Variants in CLCN5 observed in about 807,000 individuals in gnomAD.
The protein encoded by CLCN5 is H(+)/Cl(-) exchange transporter 5.
In CLCN5, 17 loss-of-function variants were observed where a neutral mutation model predicts 54.0. The ratio of observed to expected loss-of-function variants is 0.31; its 90% confidence interval spans 0.22 to 0.47. The LOEUF is 0.47. CLCN5 is among the 20% of genes least tolerant of loss of function. CLCN5 has a pLI of 1.00. For synonymous variants in CLCN5, 222 were observed against 233.0 expected, an observed-to-expected ratio of 0.95 and a Z score of 0.43; for missense variants, 448 against 646.7, an observed-to-expected ratio of 0.69 and a Z score of 3.33.
intron 4 of CLCN5, among the ~76,000 whole-genome samples, chrX:50,060,356 G>A (rs1245336334): frequency 9.1e-6 from 1 of 110,240 alleles, no homozygotes; most frequent in African/African-American, 3.3e-5. Flanking sequence ...AAGCGCAAGG[G>A]GTCAGGGAGT....
At chrX:50,080,349 T>G (rs1402588639) in intron 7 of CLCN5, among the ~76,000 whole-genome samples, 1 of 111,959 alleles carries the variant, frequency 8.9e-6, no homozygotes, top group Non-Finnish European at 1.9e-5. Flanking sequence ...GCTCTTTTCC[T>G]TGTTCATCCT....
intron 4 of CLCN5, among the ~76,000 whole-genome samples, chrX:50,058,468 C>T (rs1190915553): frequency 9.1e-6 from 1 of 110,320 alleles, no homozygotes; most frequent in Non-Finnish European, 1.9e-5. Flanking sequence ...CAGTTTAAAG[C>T]ATCATGTGAT....
intron 3 of CLCN5, among the ~76,000 whole-genome samples, chrX:49,998,939 T>C (rs1008377762): frequency 1.8e-5 from 2 of 111,551 alleles, no homozygotes; most frequent in African/African-American, 6.5e-5. Flanking sequence ...GTGTGTTTTT[T>C]AATTCCACTC....
At chrX:50,036,227 A>AAAAT (rs1931992654) in intron 3 of CLCN5, among the ~76,000 whole-genome samples, 3 of 112,587 alleles carry the variant, frequency 2.7e-5, no homozygotes, top group Admixed American at 9.4e-5. Flanking sequence ...AGACTGTATC[A>AAAAT]AAATGGGCAA....
chrX:50,078,917 G>C (rs1380065213), intron 7 of CLCN5, among the ~76,000 whole-genome samples: 1 of 111,796 alleles, frequency 8.9e-6, no homozygotes, highest in East Asian at 2.8e-4. Context: ...CCGCCTCCCG[G>C]GTTCACGCCA....
At chrX:49,984,940 T>C (rs1421917250) in intron 3 of CLCN5, among the ~76,000 whole-genome samples, 1 of 110,374 alleles carries the variant, frequency 9.1e-6, no homozygotes, top group Non-Finnish European at 1.9e-5. Context: ...CTTTGGTATA[T>C]TTAGATTCTT....
intron 9 of CLCN5, among the ~76,000 whole-genome samples, chrX:50,083,328 A>G (rs935301708): frequency 6.3e-5 from 7 of 111,820 alleles, no homozygotes; most frequent in South Asian, 3.7e-4. Context: ...AGCTAGCAGG[A>G]GAGAAGATGG....
intron 4 of CLCN5, among the ~76,000 whole-genome samples, chrX:50,068,761 C>T (rs1169585606): frequency 9.0e-6 from 1 of 111,157 alleles, no homozygotes; most frequent in Non-Finnish European, 1.9e-5. Context: ...ACCAAACAGT[C>T]TGGAGGAAGC....
At chrX:49,950,831 T>C (rs1475113421) in intron 3 of CLCN5, among the ~76,000 whole-genome samples, 1 of 111,873 alleles carries the variant, frequency 8.9e-6, no homozygotes, top group Admixed American at 9.5e-5. Context: ...AATCACATCA[T>C]GGAGAATGGG....
intron 3 of CLCN5, among the ~76,000 whole-genome samples, chrX:49,990,372 CAA>C (rs1929198092): frequency 9.1e-6 from 1 of 109,479 alleles, no homozygotes; most frequent in African/African-American, 3.3e-5. Context: ...ACACTGTACC[CAA>C]TGTGTAGTCT....
chrX:50,017,568 T>A (rs1322651309), intron 3 of CLCN5, among the ~76,000 whole-genome samples: 3 of 111,611 alleles, frequency 2.7e-5, no homozygotes, highest in Non-Finnish European at 5.7e-5. Context: ...CTAAGATCAC[T>A]TAGATTTTAG....
chrX:50,095,982 T>G lies in CLCN5; in HGVS notation c.*3763T>G, dbSNP rs1557195528. On this transcript the variant is annotated 3_prime_UTR_variant, in exon 15 of 15. Transcript: ENST00000376091. ...GAACAGTGCAATCTTTGAACTTGAG[T>G]TTTTAATAATGATAGCAAAGACAAT... The G allele has an allele frequency of 1.8e-5, 2 of 111,897 alleles. No homozygotes were observed. The highest frequency in any genetic ancestry group is 3.8e-5 in the Non-Finnish European group (2 of 53,224). 9.2% of individuals were successfully genotyped at this position (111,897 alleles called of 1,213,427 possible).
At position 50,080,597 on chromosome X, in the gene CLCN5, G is replaced by A; in HGVS notation, c.607G>A (p.Ala203Thr). Reference protein sequence around the residue: ...SQLIISTDEGAFAYIVNYFMY... With the variant: ...SQLIISTDEGTFAYIVNYFMY... ...CTTCTTTTTCCCCCTGTTCCAGGGA[G>A]CCTTTGCCTACATAGTCAATTATTT... Residue 203 changes from alanine to threonine, a missense_variant, in exon 8 of 15, where the codon GCC becomes ACC. By Grantham distance (58) the Ala-to-Thr change is moderately conservative (BLOSUM62 0). Coordinates refer to ENST00000376091, the MANE Select transcript of CLCN5 (RefSeq NM_001127898.4). 1 of 1,208,620 alleles carries A rather than the reference G, an allele frequency of 8.3e-7. No individual in the cohort carries two copies. Among genetic ancestry groups the A allele is most frequent in the Non-Finnish European group, 1.1e-6 (1 of 894,054 alleles).
intron 4 of CLCN5, chrX:50,069,567 C>T (rs1418083595): frequency 1.9e-5 from 15 of 805,382 alleles, no homozygotes; most frequent in African/African-American, 2.2e-5. Context: ...AATACCTAAG[C>T]TGCTCCAACC....
chrX:50,074,442 CAT>C (rs1416882920), intron 6 of CLCN5, among the ~76,000 whole-genome samples: 1 of 111,662 alleles, frequency 9.0e-6, no homozygotes, highest in Non-Finnish European at 1.9e-5. Flanking sequence ...TGAAATAAGA[CAT>C]GTACACGTGA....
Position 50,080,622 on chromosome X carries a change from T to C in CLCN5, c.632T>C (p.Phe211Ser). 8.3e-7 allele frequency: 1 copy of C among 1,208,100 alleles called. No homozygotes were observed. The highest frequency in any genetic ancestry group is 3.0e-5 in the East Asian group (1 of 33,812). The change falls in exon 8 of 15, where the codon TTC (phenylalanine) becomes TCC (serine). Residue 211 changes from phenylalanine (F) to serine (S), a missense_variant. Physicochemically the swap from Phe to Ser is radical, Grantham distance 155 (BLOSUM62 -2). Coordinates refer to ENST00000376091, the MANE Select transcript of CLCN5 (RefSeq NM_001127898.4). ...GCCTTTGCCTACATAGTCAATTATT[T>C]CATGTACGTCCTCTGGGCTCTCCTA... ...EGAFAYIVNY[F>S]MYVLWALLFA...
At chrX:50,000,791 T>A (rs1929761585) in intron 3 of CLCN5, among the ~76,000 whole-genome samples, 1 of 112,099 alleles carries the variant, frequency 8.9e-6, no homozygotes, top group Admixed American at 9.5e-5. Context: ...AGGCGACGCA[T>A]GTATTGGGAT....
chrX:50,067,247 G>A (rs1215554216), intron 4 of CLCN5, among the ~76,000 whole-genome samples: 1 of 111,820 alleles, frequency 8.9e-6, no homozygotes, highest in East Asian at 2.8e-4. Context: ...AGGTTTGTGA[G>A]ACTACCCACG....
chrX:50,049,186 G>A (rs782216915), intron 4 of CLCN5, among the ~76,000 whole-genome samples: 1 of 111,639 alleles, frequency 9.0e-6, no homozygotes, highest in South Asian at 3.8e-4. Context: ...ATGATACCAC[G>A]TTTTAATAGT....
Sources: allele counts gnomAD v4.1 joint callset (sites outside exome capture counted in the v4.1 genomes callset), GRCh38; gene constraint gnomAD v4.1.1; transcripts MANE v1.5; gene names NCBI Gene and HGNC (gene_info 2026-07-23, HGNC 2026-07-21).